DPP6: variants seen among roughly 807,000 people sequenced by gnomAD.
The protein encoded by DPP6 is dipeptidyl peptidase like 6.
A neutral mutation model predicts 122.6 loss-of-function variants in DPP6; 69 were observed. That is an observed-to-expected ratio of 0.56 (90% CI 0.46 to 0.69). The LOEUF is 0.69. Among genes scored for constraint, DPP6 ranks in the 30% least tolerant of loss-of-function variants. The pLI, the probability that DPP6 is intolerant of heterozygous loss-of-function variation, is 0.00. For synonymous variants in DPP6, 418 were observed against 433.1 expected (o/e 0.97, Z 0.43); for missense variants, 928 against 1,116.9 (o/e 0.83, Z 2.41).
intron 3 of DPP6, among the ~76,000 whole-genome samples, chr7:154,509,027 T>C (rs10242967): frequency 0.26 from 40,273 of 152,016 alleles, 5,520 homozygotes; most frequent in Non-Finnish European, 0.29. Context: ...AACTAAATAA[T>C]TTTTAGGAGA....
intron 4 of DPP6, among the ~76,000 whole-genome samples, chr7:154,555,957 C>A (rs1422841878): frequency 6.6e-6 from 1 of 152,028 alleles, no homozygotes; most frequent in African/African-American, 2.4e-5. Flanking sequence ...AACTTTAACA[C>A]AATCCTAATT....
At position 154,795,886 on chromosome 7, in the gene DPP6, A is replaced by C; in HGVS notation, c.1299+3A>C. The stretch of plus-strand genomic sequence containing the variant: ...GTGAGGCCTGGCTCCACAGACAGGT[A>C]ACTACTGCATGTCCGGGTCCCCACT... On this transcript the variant is annotated splice_donor_region_variant and intron_variant, in intron 12 of 25. Coordinates refer to ENST00000377770, the MANE Select transcript of DPP6 (RefSeq NM_130797.4). The C allele has an allele frequency of 6.2e-7, 1 of 1,611,104 alleles. No homozygotes were observed. Among genetic ancestry groups the C allele is most frequent in the South Asian group, 1.1e-5 (1 of 90,330 alleles).
chr7:153,795,727 A>C, the DPP6 span, among the ~76,000 whole-genome samples: 4 of 152,120 alleles, frequency 2.6e-5, no homozygotes, highest in South Asian at 8.3e-4. Flanking sequence ...ATTCTAACGT[A>C]GACATTTAAT....
rs554844026 is a variant in DPP6 at position 153,893,276 on chromosome 7, A to G, written c.51+5542A>G. Among the ~76,000 whole-genome samples, 4 of 152,290 alleles carry G rather than the reference A, an allele frequency of 2.6e-5. No individual in the cohort carries two copies. The South Asian group carries it at 6.2e-4, about 24-fold the overall frequency. On this transcript the variant is annotated intron_variant, in intron 1 of 25. Coordinates refer to the DPP6 transcript ENST00000404039. ...CACAGCCATCATCTCCTTTTCTGTA[A>G]CCTGTCCTGGTCAGTAATCACAATA...
chr7:154,295,476 A>G (rs1384735361), intron 1 of DPP6, among the ~76,000 whole-genome samples: 2 of 152,168 alleles, frequency 1.3e-5, no homozygotes, highest in Non-Finnish European at 2.9e-5. Flanking sequence ...TATGTGTAAT[A>G]ATGCAGGGCT....
chr7:154,567,269 C>T (rs1203595688), intron 5 of DPP6, among the ~76,000 whole-genome samples: 1 of 152,186 alleles, frequency 6.6e-6, no homozygotes, highest in African/African-American at 2.4e-5. Flanking sequence ...CAAAAAGCAA[C>T]TGCCAGGTTC....
intron 13 of DPP6, 27 bp downstream of exon 13, chr7:154,801,489 A>T: frequency 1.3e-6 from 2 of 1,544,800 alleles, no homozygotes; most frequent in Non-Finnish European, 1.8e-6. Context: ...TCCGGAGCTG[A>T]ACTAGAAACT....
At position 154,695,262 on chromosome 7, in the gene DPP6, C is replaced by G. The variant is rs572137631; in HGVS notation, c.762+25821C>G. On this transcript the variant is annotated intron_variant, in intron 7 of 25. Coordinates refer to ENST00000377770, the MANE Select transcript of DPP6 (RefSeq NM_130797.4). ...GTACCTGGACCACAGTGGCAGGGCG[C>G]CAGAAAGGGCTGTGAGGGAACTAGG... 2.6e-4 allele frequency among the ~76,000 whole-genome samples: 40 copies of G among 152,202 alleles called. 1 individual carries two copies. The East Asian group carries it at 7.1e-3, about 27-fold the overall frequency.
At chr7:154,811,255 G>T (rs1799041376) in intron 16 of DPP6, among the ~76,000 whole-genome samples, 1 of 152,152 alleles carries the variant, frequency 6.6e-6, no homozygotes, top group African/African-American at 2.4e-5. Context: ...AAGTACATGG[G>T]GAGACAGGAG....
At chr7:154,015,295 G>C (rs574860180) in intron 1 of DPP6, among the ~76,000 whole-genome samples, 2 of 151,900 alleles carry the variant, frequency 1.3e-5, no homozygotes, top group African/African-American at 4.8e-5. Context: ...CTGTCTTCCC[G>C]CGTGACCTCT....
At chr7:154,053,642 A>G (rs1046578386) in intron 1 of DPP6, among the ~76,000 whole-genome samples, 8 of 151,960 alleles carry the variant, frequency 5.3e-5, no homozygotes, top group Non-Finnish European at 8.8e-5. Flanking sequence ...TCCGGAAAAA[A>G]AAAATACCAA....
chr7:154,023,037 T>A (rs977478938), intron 1 of DPP6, among the ~76,000 whole-genome samples: 1 of 152,136 alleles, frequency 6.6e-6, no homozygotes, highest in Non-Finnish European at 1.5e-5. Context: ...CCAGTACTTG[T>A]CCTGAGTGTA....
intron 1 of DPP6, among the ~76,000 whole-genome samples, chr7:153,973,041 T>C (rs554413735): frequency 1.9e-4 from 29 of 152,132 alleles, no homozygotes; most frequent in African/African-American, 6.0e-4. Flanking sequence ...ATAGGCATTG[T>C]TTTGGTTTGA....
intron 7 of DPP6, among the ~76,000 whole-genome samples, chr7:154,718,003 T>C (rs1236308095): frequency 6.6e-6 from 1 of 152,238 alleles, no homozygotes; most frequent in Non-Finnish European, 1.5e-5. Context: ...TGATGATTAG[T>C]GATGTTGAAG....
At chr7:153,985,674 C>A (rs868487046) in intron 1 of DPP6, among the ~76,000 whole-genome samples, 35 of 152,246 alleles carry the variant, frequency 2.3e-4, no homozygotes, top group African/African-American at 7.9e-4. Flanking sequence ...ACTCTCCATA[C>A]TGTAGTAGAC....
chr7:153,844,344 T>G, the DPP6 span, among the ~76,000 whole-genome samples: 1 of 152,220 alleles, frequency 6.6e-6, no homozygotes, highest in Non-Finnish European at 1.5e-5. Flanking sequence ...GAAGAATATT[T>G]TTTTCCAATT....
intron 6 of DPP6, among the ~76,000 whole-genome samples, chr7:154,638,525 AT>A (rs1835870957): frequency 6.6e-6 from 1 of 152,096 alleles, no homozygotes; most frequent in African/African-American, 2.4e-5. Context: ...CCCCGGCTTC[AT>A]TCTTTCATGA....
chr7:154,062,293 C>CG (rs1491292318), intron 1 of DPP6, among the ~76,000 whole-genome samples: 5 of 75,284 alleles, frequency 6.6e-5, no homozygotes. Flanking sequence ...AGTCCCTCTT[C>CG]CCCCCCGGCT....
intron 1 of DPP6, among the ~76,000 whole-genome samples, chr7:153,933,113 C>T (rs1801250159): frequency 6.6e-6 from 1 of 152,154 alleles, no homozygotes; most frequent in African/African-American, 2.4e-5. Flanking sequence ...TCCATTAAAC[C>T]TCTTTTTCTT....
Sources: gnomAD v4.1 joint callset for allele counts (sites outside exome capture counted in the v4.1 genomes callset) on GRCh38, gnomAD v4.1.1 for gene constraint, MANE v1.5 for transcripts, NCBI Gene and HGNC (gene_info 2026-07-23, HGNC 2026-07-21) for gene names.